PDS5A: variants seen among roughly 807,000 people sequenced by gnomAD.
PDS5A encodes the protein PDS5 cohesin associated factor A.
In PDS5A, 42 loss-of-function variants were observed where a neutral mutation model predicts 167.1. That is an observed-to-expected ratio of 0.25 (90% CI 0.20 to 0.33). The LOEUF (loss-of-function observed/expected upper bound fraction) is 0.33. Among genes scored for constraint, PDS5A ranks in the 10% least tolerant of loss-of-function variants. The pLI, the probability that PDS5A is intolerant of heterozygous loss-of-function variation, is 1.00. For missense variants in PDS5A, 1,033 were observed against 1,605.9 expected, an observed-to-expected ratio of 0.64 and a Z score of 6.10; for synonymous variants, 553 against 554.6, an observed-to-expected ratio of 1.00 and a Z score of 0.04.
In PDS5A at chr4:39,896,344, C is replaced by CTT. The variant is rs1185559250; in HGVS notation, c.1770+2043_1770+2044dup. Among the ~76,000 whole-genome samples, 515 of 124,940 alleles carry CTT rather than the reference C, an allele frequency of 4.1e-3. 6 individuals are homozygous for CTT. Among genetic ancestry groups the CTT allele is most frequent in the Non-Finnish European group, 4.6e-3 (272 of 58,650 alleles). The allele number at this position is 124,940 out of a possible 152,430, so 82.0% of individuals were successfully genotyped here. On this transcript the variant is annotated intron_variant, in intron 16 of 32. Transcript: ENST00000303538. ...TACAGGTGTGAGCCAATGTACTGAT[C>CTT]TTTTTTTTTTTTTTTTTTAGCTTTT...
intron 18 of PDS5A, among the ~76,000 whole-genome samples, chr4:39,877,451 T>A (rs919373222): frequency 6.6e-6 from 1 of 152,160 alleles, no homozygotes; most frequent in Admixed American, 6.5e-5. Flanking sequence ...GCTCCTTTTT[T>A]ATGGAATGTG....
intron 2 of PDS5A, among the ~76,000 whole-genome samples, chr4:39,951,370 A>T (rs1728338372): frequency 6.6e-6 from 1 of 152,208 alleles, no homozygotes; most frequent in African/African-American, 2.4e-5. Flanking sequence ...TATGAATTCT[A>T]AGGCTCAGAT....
At chr4:39,881,192 T>C (rs1046262939) in intron 17 of PDS5A, among the ~76,000 whole-genome samples, 2 of 152,204 alleles carry the variant, frequency 1.3e-5, no homozygotes, top group Non-Finnish European at 2.9e-5. Flanking sequence ...ATATTTTCTT[T>C]ACCCATTCAT....
chr4:39,835,728 G>A (rs1249864499), intron 32 of PDS5A, among the ~76,000 whole-genome samples: 1 of 152,098 alleles, frequency 6.6e-6, no homozygotes, highest in Non-Finnish European at 1.5e-5. Context: ...TCTCCATGTT[G>A]GCCAGACTAG....
intron 2 of PDS5A, chr4:39,973,545 T>C: frequency 7.6e-7 from 1 of 1,314,198 alleles, no homozygotes; most frequent in Non-Finnish European, 1.1e-6. Flanking sequence ...CAATCACTAG[T>C]GCAAAGGCTA....
At chr4:39,957,638 T>C (rs946433677) in intron 2 of PDS5A, among the ~76,000 whole-genome samples, 1 of 151,648 alleles carries the variant, frequency 6.6e-6, no homozygotes, top group South Asian at 2.1e-4. Context: ...ACAAAAAAAT[T>C]AGCCGGGCGT....
chr4:39,964,891 C>T (rs191507136), intron 2 of PDS5A, among the ~76,000 whole-genome samples: 20 of 151,868 alleles, frequency 1.3e-4, no homozygotes, highest in African/African-American at 4.3e-4. Context: ...TGCAGTGAGC[C>T]GAGGTCGTGC....
At chr4:39,920,442 A>G (rs767307892) in intron 6 of PDS5A, 43 bp from the exon 7 acceptor site, 1 of 899,218 alleles carries the variant, frequency 1.1e-6, no homozygotes, top group East Asian at 2.5e-5. Context: ...ATAAATGTTA[A>G]TTTATGAGAT....
chr4:39,874,991 G>A (rs1033674883), intron 19 of PDS5A, among the ~76,000 whole-genome samples: 1 of 152,120 alleles, frequency 6.6e-6, no homozygotes, highest in Non-Finnish European at 1.5e-5. Context: ...ACCCAAAGAA[G>A]ACTATCATAG....
chr4:39,940,283 T>C (rs1020525239), intron 2 of PDS5A, among the ~76,000 whole-genome samples: 2 of 151,760 alleles, frequency 1.3e-5, no homozygotes, highest in African/African-American at 4.8e-5. Context: ...GTAGTGAAAA[T>C]GTAAGAAAAC....
Position 39,946,213 on chromosome 4 carries a change from A to AG in PDS5A, c.139-18050_139-18049insC, listed in dbSNP as rs200441754. Among the ~76,000 whole-genome samples the AG allele has an allele frequency of 5.8e-3, 870 of 151,190 alleles. 9 individuals carry two copies. The highest frequency in any genetic ancestry group is 0.02 in the African/African-American group (805 of 41,260). ...TGGAGTGAGACTTCATCTCAATAAA[A>AG]AAAAAAAAAGAAAGAAAAAAAAAGG... On this transcript the variant is annotated intron_variant, in intron 2 of 32. Transcript: ENST00000303538.
chr4:39,909,456 T>C (rs1052025112), intron 10 of PDS5A, among the ~76,000 whole-genome samples: 4 of 152,150 alleles, frequency 2.6e-5, no homozygotes, highest in African/African-American at 9.7e-5. Context: ...TCATCAGTTA[T>C]CCTGGAAAAG....
chr4:39,950,996 T>C (rs1326315848), intron 2 of PDS5A, among the ~76,000 whole-genome samples: 2 of 151,922 alleles, frequency 1.3e-5, no homozygotes, highest in African/African-American at 4.8e-5. Flanking sequence ...CTTGACCTCC[T>C]GGGCTCAAGC....
chr4:39,968,596 C>T (rs35596180), intron 2 of PDS5A, among the ~76,000 whole-genome samples: 4,189 of 151,630 alleles, frequency 0.028, 99 homozygotes, highest in Middle Eastern at 0.051. Flanking sequence ...CCACACCCGG[C>T]TAATTTTATA....
At chr4:39,962,531 C>T (rs1010834091) in intron 2 of PDS5A, among the ~76,000 whole-genome samples, 11 of 152,002 alleles carry the variant, frequency 7.2e-5, no homozygotes, top group East Asian at 1.9e-4. Context: ...GCAGGTTGGG[C>T]GCAGTGGATC....
At chr4:39,859,484 T>G (rs185665171) in intron 26 of PDS5A, among the ~76,000 whole-genome samples, 5 of 152,142 alleles carry the variant, frequency 3.3e-5, no homozygotes, top group African/African-American at 1.2e-4. Context: ...ACATGGTAAT[T>G]TAAACATTAT....
intron 31 of PDS5A, among the ~76,000 whole-genome samples, chr4:39,841,513 A>T (rs1010563514): frequency 7.0e-6 from 1 of 142,640 alleles, no homozygotes; most frequent in Non-Finnish European, 1.5e-5. Context: ...GACCACACAA[A>T]TTTTTTTTTT....
intron 2 of PDS5A, among the ~76,000 whole-genome samples, chr4:39,962,104 A>C (rs1286111504): frequency 2.6e-5 from 4 of 151,266 alleles, no homozygotes; most frequent in South Asian, 2.1e-4. Flanking sequence ...GTTGCCCAGG[A>C]TGGAGTGCAG....
chr4:39,837,627 C>A (rs899692679), intron 32 of PDS5A: 2 of 462,796 alleles, frequency 4.3e-6, no homozygotes, highest in African/African-American at 2.0e-5. Context: ...ATCAAAATAC[C>A]ATATCCTAAA....
Sources: gnomAD v4.1 joint callset for allele counts (sites outside exome capture counted in the v4.1 genomes callset) on GRCh38, gnomAD v4.1.1 for gene constraint, MANE v1.5 for transcripts, NCBI Gene and HGNC (gene_info 2026-07-23, HGNC 2026-07-21) for gene names.